SKP2: variants seen among roughly 807,000 people sequenced by gnomAD.
The protein encoded by SKP2 is S-phase kinase associated protein 2.
SKP2 carries 16 observed loss-of-function variants against 51.8 expected under a neutral mutation model. That is an observed-to-expected ratio of 0.31 (90% CI 0.21 to 0.47). SKP2 has a LOEUF of 0.47. Ranked by LOEUF, SKP2 falls within the 20% of genes least tolerant of loss-of-function variation. The pLI is 1.00. For synonymous variants in SKP2, 176 were observed against 198.6 expected, an observed-to-expected ratio of 0.89 and a Z score of 0.96; for missense variants, 377 against 505.3, an observed-to-expected ratio of 0.75 and a Z score of 2.43.
chr5:36,181,994 A>G lies in SKP2; in HGVS notation c.1238A>G (p.Lys413Arg), dbSNP rs779716226. 3.7e-6 allele frequency: 6 copies of G among 1,614,050 alleles called. No homozygotes were observed. The highest frequency in any genetic ancestry group is 4.2e-6 in the Non-Finnish European group (5 of 1,180,006). Residue 413 changes from lysine to arginine, a missense_variant, in exon 10 of 10, where the codon AAA (lysine) becomes AGA (arginine). Lys to Arg is a conservative substitution (Grantham distance 26). Around this residue, in one of 2 missense-constraint regions of SKP2, gnomAD observed 262 missense variants for 389.8 expected, o/e 0.67. Transcript: ENST00000274255. ...AAGAACCAGGAGATATGGGGCATCA[A>G]ATGCCGACTGACACTGCAAAAGCCC... Reference protein sequence around the residue: ...NKKNQEIWGIKCRLTLQKPSC... With the variant: ...NKKNQEIWGIRCRLTLQKPSC...
chr5:36,152,117 G>A lies in SKP2; in HGVS notation c.-146G>A, dbSNP rs376324109. ...TGTAGAGCCTTGCGCGCGCAGTGGG[G>A]ATGGAACGTTGCTAGGCTTAGCGGG... On this transcript the variant is annotated 5_prime_UTR_variant, in exon 1 of 10. Coordinates refer to ENST00000274255, the MANE Select transcript of SKP2 (RefSeq NM_005983.4). The A allele has an allele frequency of 1.3e-6, 1 of 790,306 alleles. No individual in the cohort carries two copies. The highest frequency in any genetic ancestry group is 2.2e-6 in the Non-Finnish European group (1 of 461,662). 49.0% of individuals were successfully genotyped at this position (790,306 alleles called of 1,614,324 possible). A position where few individuals can be genotyped will look rare whatever the true frequency, so the allele number is the denominator to read the frequency against.
At chr5:36,190,221 AC>A (rs1745994782) in intron 6 of SKP2, among the ~76,000 whole-genome samples, 2 of 3,190 alleles carry the variant, frequency 6.3e-4, no homozygotes, top group Non-Finnish European at 0.017. Flanking sequence ...TGCTGCACCC[AC>A]TGTCCTGCAC....
intron 7 of SKP2, chr5:36,193,518 G>A (rs1426227146): frequency 6.6e-6 from 1 of 150,460 alleles, no homozygotes; most frequent in African/African-American, 2.4e-5. Flanking sequence ...AGCCTGTTAG[G>A]GGAGGTTCTA....
In SKP2 at chr5:36,152,885, G is replaced by T; in HGVS notation, c.123G>T (p.Leu41=). Residue 41 remains leucine (L), a synonymous_variant, in exon 2 of 10, where the codon CTG becomes CTT. Coordinates refer to ENST00000274255, the MANE Select transcript of SKP2 (RefSeq NM_005983.4). Reference sequence around the variant, plus strand: ...TGTCAGGCATGGGGGTCTCCGCCCTGGAGAAAGAGGAGCCCGACAGTGAGA... The same window carrying T: ...TGTCAGGCATGGGGGTCTCCGCCCTTGAGAAAGAGGAGCCCGACAGTGAGA... ...ELLSGMGVSA[L]EKEEPDSENI... 1.2e-6 allele frequency: 2 copies of T among 1,614,106 alleles called. No homozygotes were observed.
At chr5:36,184,682 T>A (rs1486498338), downstream of SKP2, among the ~76,000 whole-genome samples, 1 of 152,250 alleles carries the variant, frequency 6.6e-6, no homozygotes, top group African/African-American at 2.4e-5. Flanking sequence ...TTTGGGTTGG[T>A]TCCAAGTCTT....
chr5:36,187,507 G>GGAGCAGGTTGTTCAATTTCCATGTAGTT (rs1745967469), downstream of SKP2, among the ~76,000 whole-genome samples: 2 of 152,196 alleles, frequency 1.3e-5, no homozygotes, highest in Non-Finnish European at 2.9e-5. Flanking sequence ...TAGTCATTCA[G>GGAGCAGGTTGTTCAATTTCCATGTAGTT]GAGCAGGTTG....
chr5:36,176,942 T>A (rs377765544), intron 7 of SKP2, 23 bp from the exon 8 acceptor site: 103 of 1,510,464 alleles, frequency 6.8e-5, no homozygotes, highest in Admixed American at 5.4e-4. Flanking sequence ...ATAGTGACCA[T>A]CATGTTTTTT....
Position 36,182,499 on chromosome 5 carries a change from TA to T in SKP2, c.*469del. The T allele has an allele frequency of 1.0e-6, 1 of 986,616 alleles. No individual in the cohort carries two copies. Among genetic ancestry groups the T allele is most frequent in the Non-Finnish European group, 1.2e-6 (1 of 830,620 alleles). The allele number at this position is 986,616 out of a possible 1,614,324, so 61.1% of individuals were successfully genotyped here. On this transcript the variant is annotated 3_prime_UTR_variant, in exon 10 of 10. Coordinates refer to ENST00000274255, the MANE Select transcript of SKP2 (RefSeq NM_005983.4). ...TATGAGCTGAACAAAAAGAGAATCA[TA>T]GGATAGTAGCGTCTGAGGCCATCTT...
downstream of SKP2, among the ~76,000 whole-genome samples, chr5:36,188,859 A>AG (rs1745979891): frequency 6.6e-6 from 1 of 152,174 alleles, no homozygotes; most frequent in South Asian, 2.1e-4. Context: ...CGTCACTTTC[A>AG]GGTACCCCAA....
chr5:36,166,920 A>G (rs1745307414), intron 4 of SKP2, among the ~76,000 whole-genome samples: 1 of 152,042 alleles, frequency 6.6e-6, no homozygotes, highest in African/African-American at 2.4e-5. Context: ...TGTCTTCTCA[A>G]GTCCTCAGCT....
intron 9 of SKP2, among the ~76,000 whole-genome samples, chr5:36,178,788 G>C (rs1745713436): frequency 6.6e-6 from 1 of 151,948 alleles, no homozygotes; most frequent in Non-Finnish European, 1.5e-5. Context: ...TTCCTTCTCT[G>C]CAGAAAGAAA....
downstream of SKP2, among the ~76,000 whole-genome samples, chr5:36,186,769 A>G (rs12652746): frequency 0.012 from 1,833 of 152,070 alleles, 154 homozygotes; most frequent in East Asian, 0.21. Flanking sequence ...AAATGAGTTA[A>G]GGAGGATTCC....
downstream of SKP2, among the ~76,000 whole-genome samples, chr5:36,187,029 G>C (rs549790071): frequency 6.6e-6 from 1 of 152,062 alleles, no homozygotes; most frequent in African/African-American, 2.4e-5. Flanking sequence ...GTTTATTTGC[G>C]TAGAGGTGTT....
At chr5:36,169,228 T>A (rs570750393) in intron 5 of SKP2, among the ~76,000 whole-genome samples, 24 of 152,296 alleles carry the variant, frequency 1.6e-4, no homozygotes, top group African/African-American at 5.8e-4. Flanking sequence ...GCAGATCACC[T>A]GAGGTTGGGA....
At position 36,180,089 on chromosome 5, in the gene SKP2, C is replaced by G. The variant is rs533783034; in HGVS notation, c.1062-1729C>G. ...CCAAATCTCTTTCCCAATGCTGTTG[C>G]AAGAACATGTCCTCCTCTGCCATCT... On this transcript the variant is annotated intron_variant, in intron 9 of 9. Transcript: ENST00000274255. 1.9e-5 allele frequency: 8 copies of G among 425,464 alleles called. 1 individual carries two copies. The highest frequency in any genetic ancestry group is 1.3e-4 in the South Asian group (7 of 55,004). The allele number at this position is 425,464 out of a possible 1,614,324, so 26.4% of individuals were successfully genotyped here.
Position 36,184,172 on chromosome 5 carries a change from T to C in SKP2, c.*2141T>C. 1 of 454,836 alleles carries C rather than the reference T, an allele frequency of 2.2e-6. No homozygotes were observed. 28.2% of individuals were successfully genotyped at this position (454,836 alleles called of 1,614,324 possible). A position where few individuals can be genotyped will look rare whatever the true frequency, so the allele number is the denominator to read the frequency against. On this transcript the variant is annotated 3_prime_UTR_variant, in exon 10 of 10. Coordinates refer to ENST00000274255, the MANE Select transcript of SKP2 (RefSeq NM_005983.4). ...TCTTCAAAACAGAGCCCTGAGATGG[T>C]CCTTTTTGACCCATCTACTTCATAT...
At chr5:36,184,835 C>G (rs1349962977), downstream of SKP2, among the ~76,000 whole-genome samples, 3 of 152,172 alleles carry the variant, frequency 2.0e-5, no homozygotes, top group East Asian at 1.9e-4. Flanking sequence ...GAGGAATCAC[C>G]ACACTGTCTT....
chr5:36,179,914 A>ATT (rs3840163), intron 9 of SKP2, among the ~76,000 whole-genome samples: 1,716 of 142,984 alleles, frequency 0.012, 28 homozygotes, highest in South Asian at 0.062. Flanking sequence ...TACCGGGGGC[A>ATT]TTTTTTTTTT....
intron 2 of SKP2, among the ~76,000 whole-genome samples, chr5:36,162,924 C>T (rs944267671): frequency 2.0e-5 from 3 of 152,102 alleles, no homozygotes; most frequent in African/African-American, 4.8e-5. Context: ...GCAAAGGGGT[C>T]GGGGAAGCCA....
Sources: allele counts gnomAD v4.1 joint callset (sites outside exome capture counted in the v4.1 genomes callset), GRCh38; gene constraint gnomAD v4.1.1; regional missense constraint gnomAD v4.1.1; transcripts MANE v1.5; gene names NCBI Gene and HGNC (gene_info 2026-07-23, HGNC 2026-07-21).